The following CEP128 variants were observed in gnomAD, a reference collection of about 807,000 sequenced individuals.
CEP128 encodes the protein centrosomal protein 128.
In CEP128, 132 loss-of-function variants were observed where a neutral mutation model predicts 156.7. That is an observed-to-expected ratio of 0.84 (90% CI 0.73 to 0.97). The LOEUF is 0.97. Among genes scored for constraint, CEP128 ranks in the 50% least tolerant of loss-of-function variants. CEP128 has a pLI of 0.00. For synonymous variants in CEP128, 469 were observed against 448.9 expected (o/e 1.04, Z -0.57); for missense variants, 1,252 against 1,281.9 (o/e 0.98, Z 0.36).
At chr14:80,835,718 G>A (rs1431180496) in intron 12 of CEP128, among the ~76,000 whole-genome samples, 1 of 152,030 alleles carries the variant, frequency 6.6e-6, no homozygotes, top group African/African-American at 2.4e-5. Flanking sequence ...TAAAAAGCCA[G>A]TGATACAGCT....
At chr14:80,528,807 T>G (rs1312017782) in intron 22 of CEP128, among the ~76,000 whole-genome samples, 1 of 152,206 alleles carries the variant, frequency 6.6e-6, no homozygotes, top group Non-Finnish European at 1.5e-5. Context: ...GGTGCATGAC[T>G]TTGGACCAGA....
chr14:80,803,370 T>C (rs1307844181), intron 13 of CEP128, among the ~76,000 whole-genome samples: 2 of 125,092 alleles, frequency 1.6e-5, no homozygotes, highest in East Asian at 2.4e-4. Flanking sequence ...AAAAAAAAAA[T>C]AGGTAGTGGC....
intron 9 of CEP128, among the ~76,000 whole-genome samples, chr14:80,850,250 A>G (rs182371032): frequency 6.6e-6 from 1 of 152,296 alleles, no homozygotes; most frequent in East Asian, 1.9e-4. Context: ...AATAACAGAC[A>G]GTTAATTAGA....
intron 9 of CEP128, among the ~76,000 whole-genome samples, chr14:80,850,228 A>T (rs1886820044): frequency 6.6e-6 from 1 of 152,184 alleles, no homozygotes. Context: ...ACCGTTTCAA[A>T]TTTAAATTTG....
In CEP128 at chr14:80,722,748, A is replaced by T. The variant is rs74243822; in HGVS notation, c.2806+20327T>A. Among the ~76,000 whole-genome samples the T allele has an allele frequency of 1.7e-3, 257 of 151,952 alleles. 3 individuals are homozygous for T. The highest frequency in any genetic ancestry group is 0.014 in the Middle Eastern group (4 of 294). ...CTGATACCCAACTGACAATTAAGCA[A>T]ACAGAGATGAAGAAGACAAGGAGGA... On this transcript the variant is annotated intron_variant, in intron 19 of 24. Transcript: ENST00000555265.
chr14:80,866,678 T>G (rs1194848059), intron 8 of CEP128, among the ~76,000 whole-genome samples: 2 of 152,226 alleles, frequency 1.3e-5, no homozygotes, highest in Non-Finnish European at 2.9e-5. Context: ...AAGAAGTGCC[T>G]GCTTCTTCAA....
intron 20 of CEP128, among the ~76,000 whole-genome samples, chr14:80,576,021 C>T (rs1891339279): frequency 6.6e-6 from 1 of 151,286 alleles, no homozygotes; most frequent in Non-Finnish European, 1.5e-5. Context: ...ATAGGTAACA[C>T]TGTGAAGCTT....
At chr14:80,788,728 C>T (rs1352195537) in intron 14 of CEP128, among the ~76,000 whole-genome samples, 3 of 152,100 alleles carry the variant, frequency 2.0e-5, no homozygotes, top group African/African-American at 4.8e-5. Flanking sequence ...TTGCCCCTTA[C>T]CCTACTTCTC....
intron 21 of CEP128, among the ~76,000 whole-genome samples, chr14:80,549,485 T>G (rs538842683): frequency 6.6e-6 from 1 of 152,220 alleles, no homozygotes; most frequent in Non-Finnish European, 1.5e-5. Context: ...GAGAGGCTCA[T>G]AGCCTTGGCA....
At chr14:80,764,068 A>G (rs1166054633) in intron 16 of CEP128, among the ~76,000 whole-genome samples, 1 of 152,186 alleles carries the variant, frequency 6.6e-6, no homozygotes. Context: ...TTCATCCACT[A>G]CTACTTTTCT....
At chr14:80,609,936 C>A (rs1892930444) in intron 19 of CEP128, among the ~76,000 whole-genome samples, 1 of 151,984 alleles carries the variant, frequency 6.6e-6, no homozygotes, top group African/African-American at 2.4e-5. Context: ...ACTGACTGCC[C>A]ATCTCTCAGG....
At chr14:80,492,283 T>A (rs1427206986), downstream of CEP128, among the ~76,000 whole-genome samples, 1 of 152,168 alleles carries the variant, frequency 6.6e-6, no homozygotes, top group Admixed American at 6.5e-5. Flanking sequence ...CACACAAGGA[T>A]GAAGAATAAT....
chr14:80,828,809 T>C (rs1288516624), intron 13 of CEP128, among the ~76,000 whole-genome samples: 1 of 152,338 alleles, frequency 6.6e-6, no homozygotes, highest in Middle Eastern at 3.4e-3. Flanking sequence ...TTACTATATA[T>C]ATGTTCTTGG....
intron 19 of CEP128, among the ~76,000 whole-genome samples, chr14:80,612,860 T>C (rs1351550780): frequency 6.6e-6 from 1 of 152,098 alleles, no homozygotes; most frequent in Admixed American, 6.6e-5. Flanking sequence ...TTTGTTTTTG[T>C]TTTTTTCATC....
intron 19 of CEP128, among the ~76,000 whole-genome samples, chr14:80,686,776 C>A (rs1896538802): frequency 6.6e-6 from 1 of 151,994 alleles, no homozygotes; most frequent in Admixed American, 6.6e-5. Flanking sequence ...ATGTTGCAAT[C>A]CTAGTTTCTG....
At chr14:80,566,795 T>A (rs554024861) in intron 20 of CEP128, among the ~76,000 whole-genome samples, 6 of 151,750 alleles carry the variant, frequency 4.0e-5, no homozygotes, top group Non-Finnish European at 7.4e-5. Flanking sequence ...ACTGGCTGCT[T>A]ATGTGCCTTT....
intron 19 of CEP128, among the ~76,000 whole-genome samples, chr14:80,727,543 C>T (rs1453087873): frequency 2.0e-5 from 3 of 152,096 alleles, no homozygotes; most frequent in Non-Finnish European, 2.9e-5. Context: ...CCTAATTAAA[C>T]TAAAGAGCTT....
At chr14:80,901,187 C>T (rs956577849) in intron 6 of CEP128, among the ~76,000 whole-genome samples, 4 of 150,684 alleles carry the variant, frequency 2.7e-5, no homozygotes, top group African/African-American at 9.8e-5. Flanking sequence ...GCCTGGGCGA[C>T]AGAGCGAGAC....
chr14:80,657,566 G>A (rs72690929), intron 19 of CEP128, among the ~76,000 whole-genome samples: 9 of 152,000 alleles, frequency 5.9e-5, no homozygotes, highest in African/African-American at 9.6e-5. Flanking sequence ...CAGGAAAATC[G>A]CTTGAACCCA....
Sources: allele counts gnomAD v4.1 joint callset (sites outside exome capture counted in the v4.1 genomes callset), GRCh38; gene constraint gnomAD v4.1.1; transcripts MANE v1.5; gene names NCBI Gene and HGNC (gene_info 2026-07-23, HGNC 2026-07-21).